CDH13: variants seen among roughly 807,000 people sequenced by gnomAD.
The protein encoded by CDH13 is cadherin-13.
CDH13 carries 24 observed loss-of-function variants against 63.8 expected under a neutral mutation model. That is an observed-to-expected ratio of 0.38 (90% CI 0.27 to 0.53). The LOEUF (loss-of-function observed/expected upper bound fraction) is 0.53. CDH13 is among the 20% of genes least tolerant of loss of function. The probability of loss-of-function intolerance (pLI) is 0.85; values close to 1 mark genes in which losing one functional copy is unlikely to be tolerated. For synonymous variants in CDH13, 503 were observed against 355.3 expected (o/e 1.42, Z -4.67); for missense variants, 1,049 against 903.1 (o/e 1.16, Z -2.07).
chr16:82,651,863 C>T (rs546122958), intron 1 of CDH13, among the ~76,000 whole-genome samples: 15 of 152,268 alleles, frequency 9.9e-5, no homozygotes, highest in African/African-American at 2.2e-4. Context: ...GGATTTAGGA[C>T]GGGCTATTGA....
chr16:83,066,926 G>A (rs1312427882), intron 3 of CDH13, among the ~76,000 whole-genome samples: 2 of 152,098 alleles, frequency 1.3e-5, no homozygotes, highest in Non-Finnish European at 2.9e-5. Flanking sequence ...CTTTACCAAG[G>A]GGTTCAGACT....
intron 3 of CDH13, among the ~76,000 whole-genome samples, chr16:83,078,514 A>T (rs2033012334): frequency 6.6e-6 from 1 of 152,168 alleles, no homozygotes; most frequent in African/African-American, 2.4e-5. Flanking sequence ...ATCTCACAAG[A>T]GGTGGAGCTC....
At chr16:83,646,399 C>G (rs1911797918) in intron 8 of CDH13, among the ~76,000 whole-genome samples, 1 of 152,130 alleles carries the variant, frequency 6.6e-6, no homozygotes, top group Admixed American at 6.5e-5. Context: ...GCTCAACTTT[C>G]TTTAGAAAAT....
intron 6 of CDH13, among the ~76,000 whole-genome samples, chr16:83,353,692 C>T (rs1049136885): frequency 6.6e-6 from 1 of 152,266 alleles, no homozygotes; most frequent in East Asian, 1.9e-4. Context: ...GAAACACTCT[C>T]CTCTCTAACC....
intron 11 of CDH13, among the ~76,000 whole-genome samples, chr16:83,755,159 A>C (rs1203240152): frequency 6.6e-6 from 1 of 152,210 alleles, no homozygotes; most frequent in African/African-American, 2.4e-5. Flanking sequence ...TTAAGAAGGA[A>C]TCAGATAGAT....
chr16:82,933,036 A>G (rs943381997), intron 2 of CDH13, among the ~76,000 whole-genome samples: 4 of 152,156 alleles, frequency 2.6e-5, no homozygotes, highest in Non-Finnish European at 5.9e-5. Context: ...TTTTTATGAC[A>G]TATCTTTGAG....
At chr16:83,368,896 A>ACTAGGTT (rs2091306887) in intron 6 of CDH13, among the ~76,000 whole-genome samples, 1 of 31,276 alleles carries the variant, frequency 3.2e-5, no homozygotes, top group African/African-American at 2.2e-4. Flanking sequence ...ATATATATAT[A>ACTAGGTT]TATATATATA....
At chr16:82,787,457 G>C (rs1597580251) in intron 1 of CDH13, among the ~76,000 whole-genome samples, 2 of 152,214 alleles carry the variant, frequency 1.3e-5, no homozygotes, top group Admixed American at 1.3e-4. Context: ...ACTGATACCA[G>C]ATAGTAGAGA....
intron 1 of CDH13, among the ~76,000 whole-genome samples, chr16:82,819,675 A>G (rs1372900887): frequency 6.6e-6 from 1 of 152,174 alleles, no homozygotes; most frequent in Non-Finnish European, 1.5e-5. Context: ...ACTGGAGAGC[A>G]CTCAAGGGAA....
chr16:83,593,771 T>C (rs1050438410), intron 7 of CDH13, among the ~76,000 whole-genome samples: 1 of 152,130 alleles, frequency 6.6e-6, no homozygotes, highest in African/African-American at 2.4e-5. Context: ...GGCAGAGACA[T>C]AAAGCCTCTA....
intron 3 of CDH13, among the ~76,000 whole-genome samples, chr16:83,121,807 G>T (rs941078431): frequency 2.6e-5 from 4 of 152,148 alleles, no homozygotes; most frequent in Non-Finnish European, 5.9e-5. Context: ...TAAAGCTCTC[G>T]ATAAATGAAT....
At chr16:83,075,136 T>G (rs1237260723) in intron 3 of CDH13, among the ~76,000 whole-genome samples, 1 of 152,178 alleles carries the variant, frequency 6.6e-6, no homozygotes, top group Non-Finnish European at 1.5e-5. Flanking sequence ...CCCAGTAGGA[T>G]TGAGCTCCAG....
chr16:83,345,963 A>T (rs1046392110), intron 6 of CDH13, among the ~76,000 whole-genome samples: 1 of 152,188 alleles, frequency 6.6e-6, no homozygotes, highest in African/African-American at 2.4e-5. Flanking sequence ...ACATGTAGAT[A>T]CATGAGGCTC....
chr16:83,698,766 C>A (rs1355342873), intron 10 of CDH13, among the ~76,000 whole-genome samples: 3 of 152,238 alleles, frequency 2.0e-5, no homozygotes, highest in African/African-American at 7.2e-5. Context: ...GCACGGTTGG[C>A]AAGTTTCTTC....
At chr16:83,512,684 A>T (rs11647959) in intron 7 of CDH13, among the ~76,000 whole-genome samples, 55,702 of 145,972 alleles carry the variant, frequency 0.38, 11,039 homozygotes, top group East Asian at 0.45. Flanking sequence ...AATAATAATA[A>T]TATAATAATA....
intron 1 of CDH13, among the ~76,000 whole-genome samples, chr16:82,746,999 A>C (rs2034204894): frequency 6.6e-6 from 1 of 152,206 alleles, no homozygotes; most frequent in South Asian, 2.1e-4. Context: ...TGTGTTGTTG[A>C]ATTGAATTGT....
chr16:83,416,555 C>G (rs981864562), intron 6 of CDH13, among the ~76,000 whole-genome samples: 1 of 152,192 alleles, frequency 6.6e-6, no homozygotes, highest in Non-Finnish European at 1.5e-5. Flanking sequence ...GTAGAAACTG[C>G]CATGCCCACA....
intron 4 of CDH13, among the ~76,000 whole-genome samples, chr16:83,147,350 C>T (rs998336204): frequency 2.0e-5 from 3 of 152,200 alleles, no homozygotes; most frequent in African/African-American, 7.2e-5. Flanking sequence ...AACTGTGCCC[C>T]TTTGCCTCCA....
rs772939929 is a variant in CDH13 at position 83,164,385 on chromosome 16, T to TCCAC, written c.483+38885_483+38888dup. On this transcript the variant is annotated intron_variant, in intron 4 of 13. Transcript: ENST00000567109. ...CACACATGGTGGAGTTAGGTCACAATCCACGTCCCTCTGACTCTTGAAGGA... is the reference window on the plus strand; with the variant it reads ...CACACATGGTGGAGTTAGGTCACAATCCACCCACGTCCCTCTGACTCTTGAAGGA... 3.9e-5 allele frequency among the ~76,000 whole-genome samples: 6 copies of TCCAC among 152,026 alleles called. No homozygotes were observed. In the South Asian group the frequency reaches 1.3e-3, roughly 32 times the overall value.
Sources: gnomAD v4.1 joint callset for allele counts (sites outside exome capture counted in the v4.1 genomes callset) on GRCh38, gnomAD v4.1.1 for gene constraint, MANE v1.5 for transcripts, NCBI Gene and HGNC (gene_info 2026-07-23, HGNC 2026-07-21) for gene names.